Variants in FAM135B observed in about 807,000 individuals in gnomAD.
FAM135B encodes the protein family with sequence similarity 135 member B.
A neutral mutation model predicts 127.7 loss-of-function variants in FAM135B; 43 were observed. The observed-to-expected ratio is 0.34, with a 90% CI of 0.26 to 0.43. FAM135B has a LOEUF of 0.43. Among genes scored for constraint, FAM135B ranks in the 20% least tolerant of loss-of-function variants. FAM135B has a pLI of 1.00. For synonymous variants in FAM135B, 670 were observed against 665.1 expected, an observed-to-expected ratio of 1.01 and a Z score of -0.11; for missense variants, 1,558 against 1,725.6, an observed-to-expected ratio of 0.90 and a Z score of 1.72.
intron 6 of FAM135B, among the ~76,000 whole-genome samples, chr8:138,247,952 C>T (rs1418888022): frequency 6.6e-6 from 1 of 152,220 alleles, no homozygotes; most frequent in Non-Finnish European, 1.5e-5. Flanking sequence ...AGAAAGATTT[C>T]TCTCATGTCC....
At chr8:138,450,591 A>G (rs2131585213) in intron 1 of FAM135B, 1 of 152,218 alleles carries the variant, frequency 6.6e-6, no homozygotes, top group South Asian at 2.1e-4. Context: ...CATTTATCTG[A>G]TAAACTATGA....
intron 1 of FAM135B, among the ~76,000 whole-genome samples, chr8:138,424,945 T>TGCA (rs1361902204): frequency 6.6e-6 from 1 of 152,196 alleles, no homozygotes; most frequent in Non-Finnish European, 1.5e-5. Flanking sequence ...TACATTACAG[T>TGCA]GCATTGCTAC....
Position 138,281,558 on chromosome 8 carries a change from G to A in FAM135B, c.158-15716C>T, listed in dbSNP as rs528643817. 2.0e-5 allele frequency among the ~76,000 whole-genome samples: 3 copies of A among 151,970 alleles called. No individual in the cohort carries two copies. The East Asian group carries it at 5.8e-4, about 30-fold the overall frequency. On this transcript the variant is annotated intron_variant, in intron 3 of 19. Coordinates refer to ENST00000395297, the MANE Select transcript of FAM135B (RefSeq NM_015912.4). ...AGTCCACATTATACTTGGATTCTTT[G>A]CAGTATTCTCCAATGTTGTTCCACT...
chr8:138,189,724 CT>C (rs1016980594), intron 9 of FAM135B, among the ~76,000 whole-genome samples: 5 of 152,168 alleles, frequency 3.3e-5, no homozygotes, highest in African/African-American at 1.2e-4. Context: ...GAGTTTGCCC[CT>C]GCTGGTGCAG....
chr8:138,204,438 AGGTT>A (rs1817402399), intron 7 of FAM135B, among the ~76,000 whole-genome samples: 1 of 152,102 alleles, frequency 6.6e-6, no homozygotes, highest in Admixed American at 6.5e-5. Flanking sequence ...TTTATTTTTC[AGGTT>A]GTCTTTGAAA....
intron 7 of FAM135B, among the ~76,000 whole-genome samples, chr8:138,232,247 TG>T (rs35441828): frequency 0.24 from 36,532 of 151,934 alleles, 4,971 homozygotes; most frequent in African/African-American, 0.35. Context: ...AAGGACATAG[TG>T]GGGGGGAGCC....
At chr8:138,311,386 C>T (rs1207606256) in intron 2 of FAM135B, among the ~76,000 whole-genome samples, 1 of 152,216 alleles carries the variant, frequency 6.6e-6, no homozygotes, top group Non-Finnish European at 1.5e-5. Flanking sequence ...TTGCCAAATG[C>T]ACTTTTCCCT....
rs5895513 is a variant in FAM135B at position 138,308,630 on chromosome 8, G to GTT, written c.157+2209_157+2210dup. Among the ~76,000 whole-genome samples, 155 of 150,064 alleles carry GTT rather than the reference G, an allele frequency of 1.0e-3. 1 individual carries two copies. Among genetic ancestry groups the GTT allele is most frequent in the Middle Eastern group, 3.4e-3 (1 of 290 alleles). On this transcript the variant is annotated intron_variant, in intron 3 of 19. Transcript: ENST00000395297. ...TTAAACTATACTAGAAAAGAAAATA[G>GTT]TTTTTTTTTTATTTTCTTTGTCTCT...
chr8:138,150,740 G>A (rs1818070267), intron 13 of FAM135B, among the ~76,000 whole-genome samples: 1 of 151,978 alleles, frequency 6.6e-6, no homozygotes. Flanking sequence ...TAAAGAATTT[G>A]GTTAATAAGT....
At chr8:138,298,763 T>C (rs1825654210) in intron 3 of FAM135B, among the ~76,000 whole-genome samples, 1 of 152,152 alleles carries the variant, frequency 6.6e-6, no homozygotes, top group Non-Finnish European at 1.5e-5. Context: ...GAGTATTAAC[T>C]TGTGGATTTT....
intron 1 of FAM135B, among the ~76,000 whole-genome samples, chr8:138,472,256 C>T (rs185353788): frequency 8.8e-4 from 134 of 152,072 alleles, no homozygotes; most frequent in Non-Finnish European, 1.4e-3. Context: ...ACTGGGGCTA[C>T]AATAGAGGAA....
At chr8:138,480,913 G>C (rs956402751) in intron 1 of FAM135B, among the ~76,000 whole-genome samples, 4 of 152,222 alleles carry the variant, frequency 2.6e-5, no homozygotes, top group African/African-American at 9.6e-5. Context: ...TTTGTGAAAA[G>C]AGACCAGTAA....
chr8:138,176,526 C>G lies in FAM135B; in HGVS notation c.1103+821G>C, dbSNP rs564965921. ...AGCTGTGCTTTCCTTGGTGCCACCC[C>G]CTTACTTGCAGAATCCATGAGACAA... On this transcript the variant is annotated intron_variant, in intron 11 of 19. Coordinates refer to ENST00000395297, the MANE Select transcript of FAM135B (RefSeq NM_015912.4). 1.6e-3 allele frequency among the ~76,000 whole-genome samples: 251 copies of G among 152,298 alleles called. 1 individual carries two copies. The highest frequency in any genetic ancestry group is 3.3e-3 in the South Asian group (16 of 4,824).
intron 2 of FAM135B, among the ~76,000 whole-genome samples, chr8:138,316,150 A>AT (rs1827069460): frequency 6.6e-6 from 1 of 152,266 alleles, no homozygotes; most frequent in Non-Finnish European, 1.5e-5. Flanking sequence ...TATACTTTAA[A>AT]TACATACAAT....
chr8:138,190,845 T>A (rs1816054007), intron 9 of FAM135B, among the ~76,000 whole-genome samples: 1 of 152,084 alleles, frequency 6.6e-6, no homozygotes, highest in African/African-American at 2.4e-5. Context: ...AATCAGAAAA[T>A]CTTTGAATCT....
At chr8:138,187,063 C>A (rs1815648803) in intron 9 of FAM135B, among the ~76,000 whole-genome samples, 1 of 152,234 alleles carries the variant, frequency 6.6e-6, no homozygotes, top group Non-Finnish European at 1.5e-5. Flanking sequence ...AGGGAGCCAG[C>A]ATTCCCTAGG....
At chr8:138,412,562 G>T (rs1425237621) in intron 1 of FAM135B, among the ~76,000 whole-genome samples, 3 of 152,144 alleles carry the variant, frequency 2.0e-5, no homozygotes, top group Non-Finnish European at 4.4e-5. Context: ...TCACCTTCAT[G>T]CAGGTGGAAT....
intron 3 of FAM135B, among the ~76,000 whole-genome samples, chr8:138,286,743 T>C (rs920667339): frequency 3.3e-5 from 5 of 152,218 alleles, no homozygotes; most frequent in Non-Finnish European, 7.3e-5. Flanking sequence ...GTTTGAAACA[T>C]GTCCAATTAC....
intron 2 of FAM135B, among the ~76,000 whole-genome samples, chr8:138,341,829 G>C (rs1447882505): frequency 6.6e-6 from 1 of 152,056 alleles, no homozygotes; most frequent in Non-Finnish European, 1.5e-5. Flanking sequence ...TCTCAGCAGG[G>C]GGAACACTGA....
Sources: allele counts gnomAD v4.1 joint callset (sites outside exome capture counted in the v4.1 genomes callset), GRCh38; gene constraint gnomAD v4.1.1; transcripts MANE v1.5; gene names NCBI Gene and HGNC (gene_info 2026-07-23, HGNC 2026-07-21).